Variants in ANKRD27 observed in about 807,000 individuals in gnomAD.
The protein encoded by ANKRD27 is ankyrin repeat domain 27.
Under a neutral mutation model 129.7 loss-of-function variants are expected in ANKRD27, and 112 were observed. That is an observed-to-expected ratio of 0.86 (90% CI 0.74 to 1.01). The LOEUF (loss-of-function observed/expected upper bound fraction) is 1.01. ANKRD27 is among the 50% of genes least tolerant of loss of function. ANKRD27 has a pLI of 0.00. For synonymous variants in ANKRD27, 516 were observed against 511.2 expected (o/e 1.01, Z -0.13); for missense variants, 1,258 against 1,300.5 (o/e 0.97, Z 0.50).
intron 1 of ANKRD27, among the ~76,000 whole-genome samples, chr19:32,670,357 G>C (rs1967844816): frequency 6.6e-6 from 1 of 152,178 alleles, no homozygotes; most frequent in Non-Finnish European, 1.5e-5. Context: ...GAAGAAAAAG[G>C]ACCTCTGTCC....
At chr19:32,651,839 C>T (rs1967422587) in intron 2 of ANKRD27, among the ~76,000 whole-genome samples, 2 of 152,172 alleles carry the variant, frequency 1.3e-5, no homozygotes. Context: ...GGCAGGTGCC[C>T]AGTGCATGTT....
At chr19:32,632,305 G>A (rs1278668859) in intron 12 of ANKRD27, among the ~76,000 whole-genome samples, 1 of 148,598 alleles carries the variant, frequency 6.7e-6, no homozygotes, top group African/African-American at 2.5e-5. Flanking sequence ...AAATAAATAG[G>A]CCAGGCGCGG....
At chr19:32,660,759 T>C (rs1967628994) in intron 1 of ANKRD27, among the ~76,000 whole-genome samples, 2 of 152,212 alleles carry the variant, frequency 1.3e-5, no homozygotes, top group Admixed American at 1.3e-4. Flanking sequence ...CATATCCCAC[T>C]GTTTTTCATT....
At chr19:32,674,757 A>T (rs1427728097) in intron 1 of ANKRD27, among the ~76,000 whole-genome samples, 1 of 150,684 alleles carries the variant, frequency 6.6e-6, no homozygotes, top group African/African-American at 2.4e-5. Context: ...GAACCGCCGG[A>T]CCCGGCACCC....
At chr19:32,655,471 G>T (rs1967500978) in intron 2 of ANKRD27, among the ~76,000 whole-genome samples, 1 of 152,228 alleles carries the variant, frequency 6.6e-6, no homozygotes, top group Non-Finnish European at 1.5e-5. Context: ...CACAGCCTAA[G>T]AAGAATCTCC....
At chr19:32,657,785 C>A (rs142296430) in intron 2 of ANKRD27, among the ~76,000 whole-genome samples, 1,669 of 152,044 alleles carry the variant, frequency 0.011, 17 homozygotes, top group Middle Eastern at 0.051. Flanking sequence ...ACCAGCCTGG[C>A]CAACATGGGT....
In ANKRD27 at chr19:32,670,445, G is replaced by A. The variant is rs180840455; in HGVS notation, c.-31+4626C>T. On this transcript the variant is annotated intron_variant, in intron 1 of 28. Coordinates refer to ENST00000306065, the MANE Select transcript of ANKRD27 (RefSeq NM_032139.3). ...GTGCAGTGGCTTGGGAGGCCGAGGC[G>A]GGCGGATCACCTGAGGTCAGGAGTT... Among the ~76,000 whole-genome samples, 579 of 151,328 alleles carry A rather than the reference G, an allele frequency of 3.8e-3. 1 individual carries two copies. The highest frequency in any genetic ancestry group is 0.013 in the African/African-American group (534 of 41,006).
intron 12 of ANKRD27, chr19:32,638,999 G>A: frequency 5.3e-6 from 2 of 379,226 alleles, no homozygotes; most frequent in Non-Finnish European, 9.3e-6. Context: ...TTTCCGGCTG[G>A]AAAAGCGACA....
rs1417244716 is a variant in ANKRD27, at chr19:32,672,001, G to A, written c.-31+3070C>T. On this transcript the variant is annotated intron_variant, in intron 1 of 28. Coordinates refer to ENST00000306065, the MANE Select transcript of ANKRD27 (RefSeq NM_032139.3). Reference sequence around the variant, plus strand: ...ACTCGTGGTTTTGTGGTCTTCAACCGTCCTGCTAGCCCAGATAAGTCTGGG... The same window carrying A: ...ACTCGTGGTTTTGTGGTCTTCAACCATCCTGCTAGCCCAGATAAGTCTGGG... Among the ~76,000 whole-genome samples the A allele has an allele frequency of 5.9e-5, 9 of 152,270 alleles. No homozygotes were observed. In the East Asian group the frequency reaches 9.7e-4, roughly 16 times the overall value.
chr19:32,643,668 C>T (rs1967246217), intron 5 of ANKRD27, 37 bp from the exon 6 acceptor site: 3 of 1,609,866 alleles, frequency 1.9e-6, no homozygotes, highest in Non-Finnish European at 2.5e-6. Context: ...GCCACCCTTA[C>T]CAGCAAGGCC....
chr19:32,659,955 A>G (rs941237328), intron 1 of ANKRD27, among the ~76,000 whole-genome samples: 1 of 152,126 alleles, frequency 6.6e-6, no homozygotes, highest in African/African-American at 2.4e-5. Flanking sequence ...ACAATTATCT[A>G]CCTCTACAAA....
chr19:32,663,554 G>A (rs992440337), intron 1 of ANKRD27, among the ~76,000 whole-genome samples: 7 of 152,008 alleles, frequency 4.6e-5, no homozygotes, highest in African/African-American at 9.7e-5. Context: ...TAAGCCAATC[G>A]TCCCATCATC....
rs757115323 is a variant in ANKRD27, at chr19:32,597,823, G to A, written c.*322C>T. On this transcript the variant is annotated 3_prime_UTR_variant, in exon 29 of 29. Transcript: ENST00000306065. ...TTTTGGGAGGAGGAGGTCAGAATGC[G>A]GTGGTGAAACCTCTCCCACTGTGAC... 8 of 373,232 alleles carry A rather than the reference G, an allele frequency of 2.1e-5. No homozygotes were observed. Among genetic ancestry groups the A allele is most frequent in the East Asian group, 1.1e-4 (2 of 18,084 alleles). 23.1% of individuals were successfully genotyped at this position (373,232 alleles called of 1,614,324 possible).
intron 13 of ANKRD27, among the ~76,000 whole-genome samples, chr19:32,629,453 A>C (rs1168863299): frequency 6.6e-6 from 1 of 151,994 alleles, no homozygotes; most frequent in Non-Finnish European, 1.5e-5. Context: ...TAATCCCAGC[A>C]CTTTGGGAGG....
intron 2 of ANKRD27, among the ~76,000 whole-genome samples, chr19:32,650,320 G>A (rs1366273476): frequency 6.6e-6 from 1 of 152,224 alleles, no homozygotes; most frequent in East Asian, 1.9e-4. Context: ...GAGAGGCCAA[G>A]GCAGGCGGAT....
chr19:32,604,156 TGCCAAGG>T (rs1229982199), intron 25 of ANKRD27, 100 bp downstream of exon 25: 29 of 1,314,090 alleles, frequency 2.2e-5, no homozygotes, highest in Non-Finnish European at 2.6e-5. Context: ...AGCCCGGCGA[TGCCAAGG>T]GCCAGGTGTT....
chr19:32,597,802 G>T lies in ANKRD27; in HGVS notation c.*343C>A. On this transcript the variant is annotated 3_prime_UTR_variant, in exon 29 of 29. Transcript: ENST00000306065. ...AGGTCAGAGAGGTTTAGCACCTTTT[G>T]GGAGGAGGAGGTCAGAATGCGGTGG... The T allele has an allele frequency of 2.9e-6, 1 of 340,390 alleles. No homozygotes were observed. Among genetic ancestry groups the T allele is most frequent in the South Asian group, 3.2e-5 (1 of 31,142 alleles). The allele number at this position is 340,390 out of a possible 1,614,324, so 21.1% of individuals were successfully genotyped here.
At position 32,659,814 on chromosome 19, in the gene ANKRD27, G is replaced by A. The variant is rs1441012636; in HGVS notation, c.-30-769C>T. Among the ~76,000 whole-genome samples, 4 of 152,128 alleles carry A rather than the reference G, an allele frequency of 2.6e-5. No individual in the cohort carries two copies. The East Asian group carries it at 7.7e-4, about 29-fold the overall frequency. On this transcript the variant is annotated intron_variant, in intron 1 of 28. Transcript: ENST00000306065. ...CATCCCAGCACTTTGGGAGCCTGAGGTAGGAGGATCCTGTGAGCCCAGGAG... is the reference window on the plus strand; with the variant it reads ...CATCCCAGCACTTTGGGAGCCTGAGATAGGAGGATCCTGTGAGCCCAGGAG...
chr19:32,631,548 CCCAGCA>C, intron 12 of ANKRD27, 54 bp from the exon 13 acceptor site: 6 of 1,458,290 alleles, frequency 4.1e-6, no homozygotes, highest in Non-Finnish European at 4.8e-6. Context: ...TCCTTCAAAA[CCCAGCA>C]CCTCAGCAAC....
Sources: gnomAD v4.1 joint callset for allele counts (sites outside exome capture counted in the v4.1 genomes callset) on GRCh38, gnomAD v4.1.1 for gene constraint, MANE v1.5 for transcripts, NCBI Gene and HGNC (gene_info 2026-07-23, HGNC 2026-07-21) for gene names.